The following SEMA3E variants were observed in gnomAD, a reference collection of about 807,000 sequenced individuals.
SEMA3E encodes semaphorin-3E.
Under a neutral mutation model 93.6 loss-of-function variants are expected in SEMA3E, and 49 were observed. The observed-to-expected ratio is 0.52, with a 90% CI of 0.42 to 0.66. The LOEUF (loss-of-function observed/expected upper bound fraction) is 0.66. SEMA3E is among the 30% of genes least tolerant of loss of function. SEMA3E has a pLI of 0.00. For synonymous variants in SEMA3E, 363 were observed against 330.7 expected (o/e 1.10, Z -1.06); for missense variants, 906 against 964.8 (o/e 0.94, Z 0.81).
chr7:83,617,308 G>T (rs1793390266), intron 1 of SEMA3E, among the ~76,000 whole-genome samples: 1 of 150,490 alleles, frequency 6.6e-6, no homozygotes, highest in African/African-American at 2.4e-5. Context: ...ATGCCCTAAG[G>T]TTAAGTATAA....
chr7:83,405,592 T>A, intron 8 of SEMA3E, 73 bp from the exon 9 acceptor site: 3 of 1,210,420 alleles, frequency 2.5e-6, no homozygotes, highest in Non-Finnish European at 3.7e-6. Context: ...TTTATTCACC[T>A]AAATTTGTTT....
intron 1 of SEMA3E, among the ~76,000 whole-genome samples, chr7:83,532,788 A>ATTG (rs758186118): frequency 7.3e-6 from 1 of 137,254 alleles, no homozygotes; most frequent in East Asian, 2.1e-4. Context: ...TTTTTTTTTA[A>ATTG]AAAAAGAAAG....
intron 4 of SEMA3E, among the ~76,000 whole-genome samples, chr7:83,443,009 A>T (rs1165785858): frequency 6.6e-6 from 1 of 152,158 alleles, no homozygotes; most frequent in East Asian, 1.9e-4. Context: ...GGGAAACCAG[A>T]AGGGGAATAC....
At chr7:83,541,206 T>G (rs896181263) in intron 1 of SEMA3E, among the ~76,000 whole-genome samples, 1 of 152,172 alleles carries the variant, frequency 6.6e-6, no homozygotes, top group African/African-American at 2.4e-5. Flanking sequence ...ACTGACTTCC[T>G]TGCTAGAGGG....
At chr7:83,516,117 T>G (rs1277963114) in intron 1 of SEMA3E, among the ~76,000 whole-genome samples, 1 of 152,192 alleles carries the variant, frequency 6.6e-6, no homozygotes, top group African/African-American at 2.4e-5. Context: ...GATCATTAAA[T>G]TGACATTTTT....
At chr7:83,439,570 T>C (rs1376176397) in intron 4 of SEMA3E, among the ~76,000 whole-genome samples, 5 of 152,220 alleles carry the variant, frequency 3.3e-5, no homozygotes, top group Admixed American at 2.6e-4. Context: ...ATTCCAAAAT[T>C]ATTTTCAAAG....
rs1792016671 is a variant in SEMA3E, at chr7:83,560,822, AG to A, written c.116-70549del. On this transcript the variant is annotated intron_variant, in intron 1 of 16. Coordinates refer to ENST00000643230, the MANE Select transcript of SEMA3E (RefSeq NM_012431.3). ...TTTTTCAGAAGATTGCTTTGAGTAT[AG>A]GTTATCATACTTATCATACTTTTTA... is the stretch of plus-strand genomic sequence containing the variant. 6.6e-5 allele frequency among the ~76,000 whole-genome samples: 10 copies of A among 152,150 alleles called. No individual in the cohort carries two copies. In the South Asian group the frequency reaches 1.9e-3, roughly 28 times the overall value.
rs144739752 is a variant in SEMA3E, at chr7:83,428,258, G to A, written c.457-9775C>T. Among the ~76,000 whole-genome samples the A allele has an allele frequency of 4.9e-3, 740 of 152,250 alleles. 4 individuals carry two copies. The highest frequency in any genetic ancestry group is 0.016 in the African/African-American group (683 of 41,546). ...TTTCCCATTTGTAAATCAGCTTCAT[G>A]AACTAATACTCTTTTGCTTGTCTTC... On this transcript the variant is annotated intron_variant, in intron 4 of 16. Coordinates refer to ENST00000643230, the MANE Select transcript of SEMA3E (RefSeq NM_012431.3).
chr7:83,446,569 T>C (rs1175599692), intron 4 of SEMA3E, among the ~76,000 whole-genome samples: 1 of 152,148 alleles, frequency 6.6e-6, no homozygotes, highest in Non-Finnish European at 1.5e-5. Flanking sequence ...GAAGATCAAA[T>C]TGAAAGAGTG....
chr7:83,450,077 C>T lies in SEMA3E; in HGVS notation c.456+16405G>A, dbSNP rs143558777. ...CATCAGAAAGATTGGAAATTAAGAC[C>T]ACAATGTGATACAACCATGCAGCCA... On this transcript the variant is annotated intron_variant, in intron 4 of 16. Coordinates refer to ENST00000643230, the MANE Select transcript of SEMA3E (RefSeq NM_012431.3). Among the ~76,000 whole-genome samples the T allele has an allele frequency of 6.4e-4, 98 of 152,200 alleles. 1 individual carries two copies. Among genetic ancestry groups the T allele is most frequent in the African/African-American group, 2.2e-3 (91 of 41,520 alleles).
intron 5 of SEMA3E, among the ~76,000 whole-genome samples, chr7:83,412,786 G>C (rs1452358503): frequency 1.4e-5 from 2 of 147,928 alleles, no homozygotes; most frequent in African/African-American, 5.2e-5. Context: ...AAACACACAG[G>C]ATAAGATCTT....
At chr7:83,463,598 C>T (rs1304108961) in intron 4 of SEMA3E, among the ~76,000 whole-genome samples, 13 of 152,044 alleles carry the variant, frequency 8.6e-5, no homozygotes, top group African/African-American at 2.4e-4. Flanking sequence ...CCCCATTTCC[C>T]CAAATTTCCT....
chr7:83,390,992 T>C (rs1343576837), intron 14 of SEMA3E, among the ~76,000 whole-genome samples: 1 of 152,210 alleles, frequency 6.6e-6, no homozygotes, highest in Non-Finnish European at 1.5e-5. Flanking sequence ...CATAAGCATT[T>C]GGTGCAAGGC....
intron 1 of SEMA3E, among the ~76,000 whole-genome samples, chr7:83,501,537 C>A (rs1379359711): frequency 2.6e-5 from 4 of 152,250 alleles, no homozygotes; most frequent in African/African-American, 9.6e-5. Context: ...ACTGCAACCT[C>A]CACCTCCCGG....
chr7:83,543,849 G>A (rs1464459756), intron 1 of SEMA3E, among the ~76,000 whole-genome samples: 1 of 151,956 alleles, frequency 6.6e-6, no homozygotes, highest in Non-Finnish European at 1.5e-5. Flanking sequence ...GAAAACACAA[G>A]CTAAAACCTC....
At chr7:83,547,114 T>C (rs1189223532) in intron 1 of SEMA3E, among the ~76,000 whole-genome samples, 6 of 152,132 alleles carry the variant, frequency 3.9e-5, no homozygotes, top group Admixed American at 3.3e-4. Flanking sequence ...AACCACCAAA[T>C]GTTAACTGGA....
In SEMA3E at chr7:83,365,635, TATC is replaced by T. The variant is rs1338443707; in HGVS notation, c.*1948_*1950del. 6.6e-6 allele frequency: 1 copy of T among 152,194 alleles called. No homozygotes were observed. The highest frequency in any genetic ancestry group is 1.9e-4 in the East Asian group (1 of 5,202). 9.4% of individuals were successfully genotyped at this position (152,194 alleles called of 1,614,324 possible). ...TTTAGTTTACAAGTTACACCATTGT[TATC>T]ATCATTAACTACTTGTCTGTGTTAT... On this transcript the variant is annotated 3_prime_UTR_variant, in exon 17 of 17. Transcript: ENST00000643230.
intron 11 of SEMA3E, among the ~76,000 whole-genome samples, chr7:83,397,277 C>G (rs1228332229): frequency 1.3e-5 from 2 of 151,824 alleles, no homozygotes; most frequent in Non-Finnish European, 2.9e-5. Context: ...ATCCAAAAAT[C>G]CAATCATAGA....
intron 4 of SEMA3E, among the ~76,000 whole-genome samples, chr7:83,443,992 G>A (rs1017796316): frequency 6.6e-6 from 1 of 151,680 alleles, no homozygotes; most frequent in Non-Finnish European, 1.5e-5. Context: ...CCAGCATTAT[G>A]TTGAAGCATG....
Sources: gnomAD v4.1 joint callset for allele counts (sites outside exome capture counted in the v4.1 genomes callset) on GRCh38, gnomAD v4.1.1 for gene constraint, MANE v1.5 for transcripts, NCBI Gene and HGNC (gene_info 2026-07-23, HGNC 2026-07-21) for gene names.